The following DIP2C variants were observed in gnomAD, a reference collection of about 807,000 sequenced individuals.
DIP2C encodes the protein disco-interacting protein 2 homolog C.
A neutral mutation model predicts 192.4 loss-of-function variants in DIP2C; 33 were observed. That is an observed-to-expected ratio of 0.17 (90% CI 0.13 to 0.23). DIP2C has a LOEUF of 0.23. DIP2C is among the 10% of genes least tolerant of loss of function. DIP2C has a pLI of 1.00. For synonymous variants in DIP2C, 979 were observed against 864.1 expected, an observed-to-expected ratio of 1.13 and a Z score of -2.33; for missense variants, 1,537 against 2,110.1, an observed-to-expected ratio of 0.73 and a Z score of 5.32.
chr10:537,616 C>T (rs972492878), intron 1 of DIP2C, among the ~76,000 whole-genome samples: 2 of 151,802 alleles, frequency 1.3e-5, no homozygotes, highest in Non-Finnish European at 2.9e-5. Flanking sequence ...ACGGGTATCA[C>T]CCATGTTTCA....
intron 1 of DIP2C, among the ~76,000 whole-genome samples, chr10:504,607 A>T (rs1845459559): frequency 6.6e-6 from 1 of 152,126 alleles, no homozygotes; most frequent in African/African-American, 2.4e-5. Flanking sequence ...AAGTCTGACC[A>T]TGGAGAGAAG....
chr10:399,712 G>A (rs956831985), intron 9 of DIP2C, among the ~76,000 whole-genome samples: 4 of 152,208 alleles, frequency 2.6e-5, no homozygotes, highest in African/African-American at 7.2e-5. Context: ...ATGTCTTAAT[G>A]CGGTGGTCAA....
intron 1 of DIP2C, among the ~76,000 whole-genome samples, chr10:601,997 ACT>A (rs1489401050): frequency 6.9e-6 from 1 of 145,462 alleles, no homozygotes; most frequent in Admixed American, 7.3e-5. Flanking sequence ...TGAAGTCCTG[ACT>A]CTGGCCTTGT....
At position 620,837 on chromosome 10, in the gene DIP2C, G is replaced by C. The variant is rs1207428899; in HGVS notation, c.85+68657C>G. The stretch of plus-strand genomic sequence containing the variant: ...AACGCTTCAATTATTTCAACGTTTA[G>C]TGGTAAAGCTCTGCAACTCTCAAAA... On this transcript the variant is annotated intron_variant, in intron 1 of 36. Coordinates refer to ENST00000280886, the MANE Select transcript of DIP2C (RefSeq NM_014974.3). Among the ~76,000 whole-genome samples the C allele has an allele frequency of 2.6e-5, 4 of 152,326 alleles. No homozygotes were observed. The East Asian group carries it at 7.7e-4, about 29-fold the overall frequency.
intron 1 of DIP2C, chr10:662,644 G>T: frequency 1.8e-6 from 1 of 567,208 alleles, no homozygotes; most frequent in Non-Finnish European, 3.1e-6. Flanking sequence ...ACTTGATATG[G>T]GGGAATTTTT....
chr10:605,101 A>C (rs1052199044), intron 1 of DIP2C, among the ~76,000 whole-genome samples: 2 of 152,252 alleles, frequency 1.3e-5, no homozygotes, highest in Non-Finnish European at 2.9e-5. Context: ...CCTGAGGTCC[A>C]GGGTCGGCTC....
intron 1 of DIP2C, among the ~76,000 whole-genome samples, chr10:546,275 C>T (rs1038483340): frequency 2.8e-4 from 15 of 52,734 alleles, no homozygotes; most frequent in Non-Finnish European, 3.7e-4. Context: ...GAGCAAGACT[C>T]TTAAAAAAAA....
intron 2 of DIP2C, among the ~76,000 whole-genome samples, chr10:476,472 A>C (rs1388588901): frequency 6.6e-6 from 1 of 152,166 alleles, no homozygotes; most frequent in African/African-American, 2.4e-5. Context: ...TAAGCATTTG[A>C]TGCGTCACTC....
At chr10:415,273 G>A (rs1034989841) in intron 7 of DIP2C, among the ~76,000 whole-genome samples, 1 of 152,054 alleles carries the variant, frequency 6.6e-6, no homozygotes, top group African/African-American at 2.4e-5. Context: ...ATACTAAGGA[G>A]CTCAAGTTTG....
chr10:566,849 A>G (rs1849494580), intron 1 of DIP2C, among the ~76,000 whole-genome samples: 1 of 152,244 alleles, frequency 6.6e-6, no homozygotes, highest in African/African-American at 2.4e-5. Context: ...CTAGCGTGCC[A>G]CAGAGACATC....
At chr10:372,727 C>T (rs1961122986) in intron 17 of DIP2C, among the ~76,000 whole-genome samples, 1 of 152,168 alleles carries the variant, frequency 6.6e-6, no homozygotes, top group Non-Finnish European at 1.5e-5. Flanking sequence ...GAGGTCCCAA[C>T]ACACAGGCGG....
In DIP2C at chr10:486,041, G is replaced by A. The variant is rs555109231; in HGVS notation, c.157+418C>T. 3.3e-5 allele frequency among the ~76,000 whole-genome samples: 5 copies of A among 152,332 alleles called. No individual in the cohort carries two copies. The East Asian group carries it at 5.8e-4, about 18-fold the overall frequency. ...ATCTCAACACACAACCAGCTTTCAC[G>A]ATTGCCAAGTCCTGGGCGGGGTATC... On this transcript the variant is annotated intron_variant, in intron 2 of 36. Transcript: ENST00000280886.
chr10:610,677 T>C (rs816605), intron 1 of DIP2C, among the ~76,000 whole-genome samples: 107,951 of 152,182 alleles, frequency 0.71, 43,435 homozygotes, highest in Non-Finnish European at 0.89. Context: ...CACCCAAATC[T>C]CATGCTGAAC....
At chr10:625,747 C>G (rs1854159639) in intron 1 of DIP2C, among the ~76,000 whole-genome samples, 1 of 152,244 alleles carries the variant, frequency 6.6e-6, no homozygotes, top group South Asian at 2.1e-4. Context: ...GTGAACCTTT[C>G]TGACTACTCA....
chr10:549,360 C>T (rs1483098977), intron 1 of DIP2C, among the ~76,000 whole-genome samples: 5 of 152,146 alleles, frequency 3.3e-5, no homozygotes, highest in Admixed American at 6.5e-5. Flanking sequence ...CTAAGACGTC[C>T]TTGTCACCTA....
intron 1 of DIP2C, among the ~76,000 whole-genome samples, chr10:510,647 C>T (rs1044259098): frequency 6.6e-6 from 1 of 152,212 alleles, no homozygotes; most frequent in African/African-American, 2.4e-5. Context: ...GAACAAAACT[C>T]TATTGCAGCA....
At chr10:584,425 A>G (rs879297777) in intron 1 of DIP2C, among the ~76,000 whole-genome samples, 948 of 106,384 alleles carry the variant, frequency 8.9e-3, no homozygotes, top group Middle Eastern at 0.058. Flanking sequence ...CTCGGGGCCC[A>G]CAACCTGACC....
intron 7 of DIP2C, among the ~76,000 whole-genome samples, chr10:414,602 C>T (rs957229605): frequency 1.8e-4 from 27 of 151,608 alleles, no homozygotes; most frequent in African/African-American, 6.3e-4. Context: ...CTCGACCTCC[C>T]AGGCTCAGGT....
chr10:433,688 A>G (rs1183346976), intron 4 of DIP2C, among the ~76,000 whole-genome samples: 2 of 152,184 alleles, frequency 1.3e-5, no homozygotes, highest in Non-Finnish European at 2.9e-5. Context: ...CTCAAAAAAA[A>G]TAAAATAAAT....
Sources: allele counts gnomAD v4.1 joint callset (sites outside exome capture counted in the v4.1 genomes callset), GRCh38; gene constraint gnomAD v4.1.1; transcripts MANE v1.5; gene names NCBI Gene and HGNC (gene_info 2026-07-23, HGNC 2026-07-21).